TPST1: variants seen among roughly 807,000 people sequenced by gnomAD.
The protein encoded by TPST1 is tyrosylprotein sulfotransferase 1.
A neutral mutation model predicts 34.8 loss-of-function variants in TPST1; 20 were observed. That is an observed-to-expected ratio of 0.57 (90% CI 0.40 to 0.84). TPST1 has a LOEUF of 0.84. Ranked by LOEUF, TPST1 falls within the 40% of genes least tolerant of loss-of-function variation. The pLI is 0.00. For synonymous variants in TPST1, 152 were observed against 159.4 expected (o/e 0.95, Z 0.35); for missense variants, 353 against 455.5 (o/e 0.78, Z 2.05).
intron 2 of TPST1, among the ~76,000 whole-genome samples, chr7:66,242,215 G>T (rs1475205817): frequency 1.3e-5 from 2 of 150,522 alleles, no homozygotes; most frequent in Admixed American, 6.6e-5. Context: ...TTTTATTTTT[G>T]TTTTTTTTCT....
intron 2 of TPST1, among the ~76,000 whole-genome samples, chr7:66,247,813 A>T (rs576525687): frequency 2.0e-5 from 3 of 152,264 alleles, no homozygotes; most frequent in Admixed American, 1.3e-4. Context: ...AAGAGGTAGT[A>T]TGGAGGACTC....
intron 2 of TPST1, among the ~76,000 whole-genome samples, chr7:66,252,394 C>T (rs867803918): frequency 1.0e-3 from 126 of 125,760 alleles, no homozygotes; most frequent in African/African-American, 3.5e-3. Context: ...CTCGCTCTGT[C>T]GCCCAGGCTG....
chr7:66,275,346 A>G (rs1790785925), intron 2 of TPST1, among the ~76,000 whole-genome samples: 1 of 152,216 alleles, frequency 6.6e-6, no homozygotes, highest in Non-Finnish European at 1.5e-5. Flanking sequence ...AAATAGAGCT[A>G]CCATATGATC....
Position 66,350,863 on chromosome 7 carries a change from C to T in TPST1, c.1045-1642C>T, listed in dbSNP as rs149393505. Reference sequence around the variant, plus strand: ...TGCTGTTGCAAAGTGTTGAAATAAACATCTTTGTACTTAAATGATATATGT... The same window carrying T: ...TGCTGTTGCAAAGTGTTGAAATAAATATCTTTGTACTTAAATGATATATGT... On this transcript the variant is annotated intron_variant, in intron 3 of 5. Coordinates refer to ENST00000304842, the MANE Select transcript of TPST1 (RefSeq NM_003596.4). Among the ~76,000 whole-genome samples the T allele has an allele frequency of 2.1e-3, 314 of 152,214 alleles. 1 individual carries two copies. The highest frequency in any genetic ancestry group is 6.9e-3 in the African/African-American group (287 of 41,526).
intron 2 of TPST1, among the ~76,000 whole-genome samples, chr7:66,257,415 A>G (rs1307388812): frequency 1.3e-5 from 2 of 152,212 alleles, no homozygotes; most frequent in Non-Finnish European, 2.9e-5. Flanking sequence ...GTCCATATCA[A>G]TTCTGAAATC....
chr7:66,330,222 T>C (rs1466265600), intron 3 of TPST1, among the ~76,000 whole-genome samples: 1 of 152,158 alleles, frequency 6.6e-6, no homozygotes, highest in East Asian at 1.9e-4. Context: ...GATGAGGAGA[T>C]TACCGATCAT....
At chr7:66,245,789 A>G (rs762990399) in intron 2 of TPST1, among the ~76,000 whole-genome samples, 2 of 152,260 alleles carry the variant, frequency 1.3e-5, no homozygotes, top group Admixed American at 6.5e-5. Flanking sequence ...AGATATGAGC[A>G]TTAATAGCAT....
At chr7:66,292,908 A>G (rs550930775) in intron 3 of TPST1, among the ~76,000 whole-genome samples, 2 of 152,220 alleles carry the variant, frequency 1.3e-5, no homozygotes, top group East Asian at 3.9e-4. Flanking sequence ...TTTGAATTAG[A>G]AAAATTTGGG....
intron 3 of TPST1, among the ~76,000 whole-genome samples, chr7:66,348,853 A>G (rs1792408291): frequency 6.6e-6 from 1 of 152,134 alleles, no homozygotes; most frequent in Non-Finnish European, 1.5e-5. Context: ...CTGCCCACTG[A>G]ATTTTTGCGT....
chr7:66,293,207 A>G (rs1791123406), intron 3 of TPST1, among the ~76,000 whole-genome samples: 1 of 148,826 alleles, frequency 6.7e-6, no homozygotes, highest in African/African-American at 2.4e-5. Flanking sequence ...CTCCATCTCA[A>G]AAAAAAAAAA....
chr7:66,241,199 G>A lies in TPST1; in HGVS notation c.774G>A (p.Gln258=), dbSNP rs145589952. 74 of 1,614,082 alleles carry A rather than the reference G, an allele frequency of 4.6e-5. No individual in the cohort carries two copies. The highest frequency in any genetic ancestry group is 6.1e-5 in the Non-Finnish European group (72 of 1,180,034). ...TGAGAACACTCTTAAAGTTCCTCCA[G>A]ATTCCATGGAACCACTCAGTATTGC... ...RWMRTLLKFL[Q]IPWNHSVLHH... The change falls in exon 2 of 6, where the codon CAG becomes CAA. Residue 258 remains glutamine (Q), a synonymous_variant. Coordinates refer to ENST00000304842, the MANE Select transcript of TPST1 (RefSeq NM_003596.4).
intron 2 of TPST1, among the ~76,000 whole-genome samples, chr7:66,263,901 G>C (rs1032358020): frequency 6.6e-6 from 1 of 152,020 alleles, no homozygotes; most frequent in Non-Finnish European, 1.5e-5. Context: ...CCAAAGACTT[G>C]AAAAAAAGTG....
Position 66,286,608 on chromosome 7 carries a change from G to A in TPST1, c.943G>A (p.Ala315Thr), listed in dbSNP as rs1449805032. 2 of 1,610,330 alleles carry A rather than the reference G, an allele frequency of 1.2e-6. No individual in the cohort carries two copies. Among genetic ancestry groups the A allele is most frequent in the Admixed American group, 1.7e-5 (1 of 59,712 alleles). ...ACCGCCAGATGTTTTACAAGACATG[G>A]CAGTGATTGCTCCTATGCTTGCCAA... is the stretch of plus-strand genomic sequence containing the variant. Reference protein sequence around the residue: ...KIPPDVLQDMAVIAPMLAKLG... With the variant: ...KIPPDVLQDMTVIAPMLAKLG... The change falls in exon 3 of 6, where the codon GCA (alanine) becomes ACA (threonine). Residue 315 changes from alanine (A) to threonine (T), a missense_variant. Transcript: ENST00000304842.
intron 2 of TPST1, among the ~76,000 whole-genome samples, chr7:66,286,061 T>C (rs1179406573): frequency 1.3e-5 from 2 of 152,212 alleles, no homozygotes; most frequent in African/African-American, 4.8e-5. Flanking sequence ...ACCAGCTAGA[T>C]TGTGCCATTA....
intron 1 of TPST1, among the ~76,000 whole-genome samples, chr7:66,223,459 A>C (rs1448753921): frequency 6.7e-5 from 5 of 74,212 alleles, no homozygotes; most frequent in African/African-American, 2.0e-4. Context: ...ACCCTGTCTC[A>C]AAAAAAAAAA....
chr7:66,319,897 G>A (rs1791715746), intron 3 of TPST1, among the ~76,000 whole-genome samples: 2 of 152,196 alleles, frequency 1.3e-5, no homozygotes, highest in South Asian at 4.1e-4. Flanking sequence ...GGAGGCATTA[G>A]CAGTACCCTG....
chr7:66,240,146 C>G (rs1789998189), intron 1 of TPST1, among the ~76,000 whole-genome samples, 179 bp from the exon 2 acceptor site: 1 of 152,112 alleles, frequency 6.6e-6, no homozygotes, highest in Non-Finnish European at 1.5e-5. Flanking sequence ...CTCGGCCTCC[C>G]AAAGTGCTGG....
intron 3 of TPST1, among the ~76,000 whole-genome samples, chr7:66,295,828 T>G (rs1383447006): frequency 6.6e-6 from 1 of 151,988 alleles, no homozygotes; most frequent in African/African-American, 2.4e-5. Context: ...TTTAGTAAAG[T>G]TAGGGTTTCG....
intron 3 of TPST1, among the ~76,000 whole-genome samples, chr7:66,336,609 T>C (rs1792127193): frequency 6.6e-6 from 1 of 152,080 alleles, no homozygotes; most frequent in Non-Finnish European, 1.5e-5. Flanking sequence ...AATTGTGGAA[T>C]ACCATCAAGC....
Sources: gnomAD v4.1 joint callset for allele counts (sites outside exome capture counted in the v4.1 genomes callset) on GRCh38, gnomAD v4.1.1 for gene constraint, MANE v1.5 for transcripts, NCBI Gene and HGNC (gene_info 2026-07-23, HGNC 2026-07-21) for gene names.